KCNJ10: variants seen among roughly 807,000 people sequenced by gnomAD.
The protein encoded by KCNJ10 is potassium inwardly rectifying channel subfamily J member 10.
A neutral mutation model predicts 22.2 loss-of-function variants in KCNJ10; 9 were observed. The observed-to-expected ratio is 0.40, with a 90% CI of 0.24 to 0.71. The LOEUF (loss-of-function observed/expected upper bound fraction) is 0.71. Among genes scored for constraint, KCNJ10 ranks in the 30% least tolerant of loss-of-function variants. KCNJ10 has a pLI of 0.35. For missense variants in KCNJ10, 337 were observed against 482.7 expected, an observed-to-expected ratio of 0.70 and a Z score of 2.83; for synonymous variants, 184 against 187.3, an observed-to-expected ratio of 0.98 and a Z score of 0.15.
At chr1:160,044,440 T>C (rs1487056000) in intron 1 of KCNJ10, among the ~76,000 whole-genome samples, 1 of 152,170 alleles carries the variant, frequency 6.6e-6, no homozygotes, top group Non-Finnish European at 1.5e-5. Context: ...GAATACCTTC[T>C]CATTTGATCC....
At chr1:160,063,741 G>A (rs138681041) in intron 1 of KCNJ10, among the ~76,000 whole-genome samples, 1 of 152,316 alleles carries the variant, frequency 6.6e-6, no homozygotes, top group East Asian at 1.9e-4. Flanking sequence ...ACTTGCACAG[G>A]TCACTTTCCC....
In KCNJ10 at chr1:160,042,549, A is replaced by G; in HGVS notation, c.1-17T>C. Reference sequence around the variant, plus strand: ...TGACGTCATCTGGAGGGAGCAAGACAGCATAATGGAGGTTATCGTAGAAAT... The same window carrying G: ...TGACGTCATCTGGAGGGAGCAAGACGGCATAATGGAGGTTATCGTAGAAAT... On this transcript the variant is annotated splice_polypyrimidine_tract_variant and intron_variant, in intron 1 of 1. Coordinates refer to ENST00000644903, the MANE Select transcript of KCNJ10 (RefSeq NM_002241.5). 6.2e-7 allele frequency: 1 copy of G among 1,611,070 alleles called. No individual in the cohort carries two copies. Among genetic ancestry groups the G allele is most frequent in the Non-Finnish European group, 8.5e-7 (1 of 1,177,926 alleles).
At chr1:160,065,329 T>C (rs760332273) in intron 1 of KCNJ10, among the ~76,000 whole-genome samples, 6 of 152,118 alleles carry the variant, frequency 3.9e-5, no homozygotes, top group Non-Finnish European at 5.9e-5. Flanking sequence ...AGAGTCAAAC[T>C]GGACAGTAGC....
At chr1:160,063,132 C>T (rs1571275774) in intron 1 of KCNJ10, among the ~76,000 whole-genome samples, 1 of 152,278 alleles carries the variant, frequency 6.6e-6, no homozygotes, top group East Asian at 1.9e-4. Flanking sequence ...AGAAGCTTCC[C>T]TTCTCCTGCC....
Position 160,041,721 on chromosome 1 carries a change from C to T in KCNJ10, c.812G>A (p.Arg271His), listed in dbSNP as rs3795339. The T allele has an allele frequency of 1.0e-3, 1,674 of 1,613,898 alleles. 8 individuals carry two copies. In the East Asian group the frequency reaches 0.02, roughly 20 times the overall value. ...CAGCTCAAAGTCACCCTCACCACTG[C>T]GAAGAGGGAGATCTTTCAAGGGACT... is the stretch of plus-strand genomic sequence containing the variant. Reference protein sequence around the residue: ...ETSPLKDLPLRSGEGDFELVL... With the variant: ...ETSPLKDLPLHSGEGDFELVL... Residue 271 changes from arginine (R) to histidine (H), a missense_variant, in exon 2 of 2, where the codon CGC becomes CAC. Physicochemically the swap from Arg to His is conservative, Grantham distance 29. This residue lies in a region of KCNJ10 where 165 missense variants were observed against 281.5 expected (regional missense o/e 0.59). Coordinates refer to ENST00000644903, the MANE Select transcript of KCNJ10 (RefSeq NM_002241.5). The surrounding 1 kb of genome is among the most constrained non-coding windows in gnomAD (Gnocchi z 4.4).
intron 1 of KCNJ10, among the ~76,000 whole-genome samples, chr1:160,050,442 A>G (rs1186089507): frequency 6.6e-6 from 1 of 151,414 alleles, no homozygotes; most frequent in Non-Finnish European, 1.5e-5. Context: ...CTCAGTAAAC[A>G]TTTTTTTTTC....
intron 1 of KCNJ10, among the ~76,000 whole-genome samples, chr1:160,059,364 C>A (rs1478827977): frequency 6.6e-6 from 1 of 152,182 alleles, no homozygotes; most frequent in Non-Finnish European, 1.5e-5. Flanking sequence ...ACACTGCTAG[C>A]TGGTAGCTCA....
chr1:160,045,901 T>G (rs1267227640), intron 1 of KCNJ10, among the ~76,000 whole-genome samples: 1 of 152,258 alleles, frequency 6.6e-6, no homozygotes, highest in Non-Finnish European at 1.5e-5. Flanking sequence ...GAGTTCATAC[T>G]GCAGGGATAA....
intron 1 of KCNJ10, among the ~76,000 whole-genome samples, chr1:160,059,694 C>A (rs1432634870): frequency 6.6e-6 from 1 of 152,180 alleles, no homozygotes; most frequent in Non-Finnish European, 1.5e-5. Context: ...AATGCTCTTA[C>A]TGGGGTCTGT....
At chr1:160,049,675 T>TTATATATATATATATATA (rs57790887) in intron 1 of KCNJ10, among the ~76,000 whole-genome samples, 2 of 47,096 alleles carry the variant, frequency 4.2e-5, no homozygotes, top group African/African-American at 7.1e-5. Context: ...TTTTATTTAT[T>TTATATATATATATATATA]TATATATATA....
chr1:160,049,722 T>TATATATATTTATATATA (rs1553235666), intron 1 of KCNJ10, among the ~76,000 whole-genome samples: 1 of 122,898 alleles, frequency 8.1e-6, no homozygotes, highest in Non-Finnish European at 1.7e-5. Context: ...TATATATATG[T>TATATATATTTATATATA]TATCCTAAAG....
At position 160,040,915 on chromosome 1, in the gene KCNJ10, G is replaced by T. The variant is rs1571264829; in HGVS notation, c.*478C>A. ...GAAACCCTAGGATATGTTGATATCA[G>T]ATTCCTGTATTTCTGAAAGCACAGA... On this transcript the variant is annotated 3_prime_UTR_variant, in exon 2 of 2. Transcript: ENST00000644903. The T allele has an allele frequency of 3.2e-6, 1 of 313,140 alleles. No individual in the cohort carries two copies. Among genetic ancestry groups the T allele is most frequent in the East Asian group, 5.4e-5 (1 of 18,442 alleles). The allele number at this position is 313,140 out of a possible 1,614,324, so 19.4% of individuals were successfully genotyped here.
intron 1 of KCNJ10, among the ~76,000 whole-genome samples, chr1:160,046,059 G>A (rs1174490361): frequency 6.6e-6 from 1 of 152,142 alleles, no homozygotes; most frequent in Non-Finnish European, 1.5e-5. Flanking sequence ...CCCATGGTGG[G>A]TGAGGATGTC....
In KCNJ10 at chr1:160,066,882, G is replaced by T. The variant is rs553785104; in HGVS notation, c.-1+3140C>A. Among the ~76,000 whole-genome samples, 13 of 152,312 alleles carry T rather than the reference G, an allele frequency of 8.5e-5. No individual in the cohort carries two copies. The South Asian group carries it at 2.7e-3, about 32-fold the overall frequency. On this transcript the variant is annotated intron_variant, in intron 1 of 1. Coordinates refer to ENST00000644903, the MANE Select transcript of KCNJ10 (RefSeq NM_002241.5). ...TGTTTTGGTTGGTTTTTTTGGTCCAGAAAGTGGTCTCTCTTTCCTTCCCAG... is the reference window on the plus strand; with the variant it reads ...TGTTTTGGTTGGTTTTTTTGGTCCATAAAGTGGTCTCTCTTTCCTTCCCAG...
chr1:160,052,079 A>G (rs1184907805), intron 1 of KCNJ10, among the ~76,000 whole-genome samples: 1 of 152,114 alleles, frequency 6.6e-6, no homozygotes, highest in African/African-American at 2.4e-5. Context: ...CTATGTGTCC[A>G]TATTAATAGA....
chr1:160,045,146 A>G (rs1052222755), intron 1 of KCNJ10, among the ~76,000 whole-genome samples: 5 of 152,254 alleles, frequency 3.3e-5, no homozygotes, highest in Non-Finnish European at 5.9e-5. Flanking sequence ...TGGGGATAAG[A>G]TAAAGAAAAA....
At chr1:160,063,082 A>G (rs1343894826) in intron 1 of KCNJ10, among the ~76,000 whole-genome samples, 1 of 152,146 alleles carries the variant, frequency 6.6e-6, no homozygotes, top group Non-Finnish European at 1.5e-5. Flanking sequence ...GTATATGTCT[A>G]ACTCCCCATC....
intron 1 of KCNJ10, among the ~76,000 whole-genome samples, chr1:160,051,045 G>A (rs1648889602): frequency 6.6e-6 from 1 of 152,126 alleles, no homozygotes; most frequent in East Asian, 1.9e-4. Flanking sequence ...CCGGGTTCAA[G>A]CGATTCTTCT....
At chr1:160,043,313 A>C (rs1308992090) in intron 1 of KCNJ10, among the ~76,000 whole-genome samples, 4 of 144,904 alleles carry the variant, frequency 2.8e-5, no homozygotes, top group East Asian at 2.1e-4. Context: ...ACACACACAC[A>C]CAACCTTAAT....
Sources: gnomAD v4.1 joint callset for allele counts (sites outside exome capture counted in the v4.1 genomes callset) on GRCh38, gnomAD v4.1.1 for gene constraint, gnomAD v4.1.1 regional missense constraint, Gnocchi (gnomAD v3.1) non-coding constraint, MANE v1.5 for transcripts, NCBI Gene and HGNC (gene_info 2026-07-23, HGNC 2026-07-21) for gene names.